CEMIP: variants seen among roughly 807,000 people sequenced by gnomAD.
CEMIP encodes the protein cell migration-inducing and hyaluronan-binding protein.
CEMIP carries 105 observed loss-of-function variants against 156.9 expected under a neutral mutation model. The observed-to-expected ratio is 0.67, with a 90% CI of 0.57 to 0.79. CEMIP has a LOEUF of 0.79. Ranked by LOEUF, CEMIP falls within the 30% of genes least tolerant of loss-of-function variation. CEMIP has a pLI of 0.00. For synonymous variants in CEMIP, 676 were observed against 668.4 expected (o/e 1.01, Z -0.17); for missense variants, 1,457 against 1,769.4 (o/e 0.82, Z 3.17).
chr15:80,883,039 T>C (rs925340071), intron 6 of CEMIP, among the ~76,000 whole-genome samples: 2 of 152,114 alleles, frequency 1.3e-5, no homozygotes, highest in Non-Finnish European at 1.5e-5. Context: ...GTGCCAACAG[T>C]TGGAAACAAG....
At chr15:80,927,374 G>T (rs1435105772) in intron 19 of CEMIP, among the ~76,000 whole-genome samples, 1 of 152,196 alleles carries the variant, frequency 6.6e-6, no homozygotes, top group Non-Finnish European at 1.5e-5. Flanking sequence ...CATCCCTAGA[G>T]CAGACCCTAG....
At chr15:80,920,059 T>A in intron 14 of CEMIP, 35 bp from the exon 15 acceptor site, 1 of 1,600,638 alleles carries the variant, frequency 6.2e-7, no homozygotes, top group Non-Finnish European at 8.6e-7. Flanking sequence ...AATAACTGGA[T>A]GCTTGGTGAA....
intron 9 of CEMIP, 97 bp from the exon 10 acceptor site, chr15:80,889,374 G>A: frequency 6.5e-7 from 1 of 1,548,634 alleles, no homozygotes. Flanking sequence ...ATAATATTCA[G>A]TTCCCATGGT....
chr15:80,847,886 G>C lies in CEMIP; in HGVS notation c.-175-25652G>C, dbSNP rs1186485238. The stretch of plus-strand genomic sequence containing the variant: ...CCAGGAGCAGAAGGTGAAACAGTGA[G>C]CCGTGGAGATGCTCGACTCTTCCTG... On this transcript the variant is annotated intron_variant, in intron 1 of 29. Transcript: ENST00000394685. 2.0e-5 allele frequency among the ~76,000 whole-genome samples: 3 copies of C among 152,338 alleles called. No individual in the cohort carries two copies. The East Asian group carries it at 5.8e-4, about 29-fold the overall frequency.
chr15:80,900,644 G>A (rs866310152), intron 12 of CEMIP, among the ~76,000 whole-genome samples: 1 of 124,580 alleles, frequency 8.0e-6, no homozygotes, highest in African/African-American at 3.0e-5. Context: ...GTGTGTGTGT[G>A]TGTGTCTGTG....
chr15:80,916,431 T>G (rs1900277489), intron 14 of CEMIP, among the ~76,000 whole-genome samples: 1 of 152,178 alleles, frequency 6.6e-6, no homozygotes, highest in Admixed American at 6.5e-5. Context: ...AAGGAAGATA[T>G]CCAGAAGGAC....
intron 1 of CEMIP, among the ~76,000 whole-genome samples, chr15:80,831,451 C>T (rs1408922626): frequency 6.6e-6 from 1 of 152,076 alleles, no homozygotes; most frequent in Non-Finnish European, 1.5e-5. Context: ...ACAGTGGGCA[C>T]AGGAGTGCAG....
chr15:80,796,906 CT>C (rs1217943669), intron 1 of CEMIP, among the ~76,000 whole-genome samples: 1 of 152,168 alleles, frequency 6.6e-6, no homozygotes, highest in African/African-American at 2.4e-5. Context: ...TGACTTGAAC[CT>C]TACAAAGTAT....
In CEMIP at chr15:80,944,947, A is replaced by C. The variant is rs192540885; in HGVS notation, c.3857+1845A>C. Among the ~76,000 whole-genome samples, 1,049 of 152,304 alleles carry C rather than the reference A, an allele frequency of 6.9e-3. 15 individuals carry two copies. The highest frequency in any genetic ancestry group is 0.024 in the African/African-American group (1,004 of 41,558). On this transcript the variant is annotated intron_variant, in intron 28 of 29. Transcript: ENST00000394685. ...CTCCCTGGGCTGGCGCTGGGCACCC[A>C]GGCAGGCATTGGTACCACTAGACCC...
At position 80,852,156 on chromosome 15, in the gene CEMIP, C is replaced by G. The variant is rs142692876; in HGVS notation, c.-175-21382C>G. Reference sequence around the variant, plus strand: ...TGGAACTGTTTGTTCCTTGGAACAGCAGAGTAGTGAGAAAATGCAGTGGCT... The same window carrying G: ...TGGAACTGTTTGTTCCTTGGAACAGGAGAGTAGTGAGAAAATGCAGTGGCT... On this transcript the variant is annotated intron_variant, in intron 1 of 29. Transcript: ENST00000394685. Among the ~76,000 whole-genome samples the G allele has an allele frequency of 1.4e-3, 220 of 152,246 alleles. 2 individuals carry two copies. Among genetic ancestry groups the G allele is most frequent in the Middle Eastern group, 0.014 (4 of 294 alleles).
chr15:80,873,501 G>A (rs62035088), intron 1 of CEMIP, 37 bp from the exon 2 acceptor site: 42,024 of 296,552 alleles, frequency 0.14, 3,513 homozygotes, highest in Admixed American at 0.21. Context: ...CATGTTCAGT[G>A]GGAGTATTTT....
chr15:80,817,848 T>A (rs1393479535), intron 1 of CEMIP, among the ~76,000 whole-genome samples: 2 of 152,108 alleles, frequency 1.3e-5, no homozygotes, highest in East Asian at 3.9e-4. Flanking sequence ...ATGACTTGCT[T>A]AAATGCACCA....
At chr15:80,876,326 T>C (rs999706906) in intron 3 of CEMIP, among the ~76,000 whole-genome samples, 1 of 152,112 alleles carries the variant, frequency 6.6e-6, no homozygotes, top group African/African-American at 2.4e-5. Flanking sequence ...CTCATGACCA[T>C]CCTTGGCTGC....
intron 27 of CEMIP, 89 bp from the exon 28 acceptor site, chr15:80,942,856 C>A: frequency 1.3e-6 from 2 of 1,487,488 alleles, no homozygotes; most frequent in Non-Finnish European, 1.9e-6. Context: ...GCAACTTCTG[C>A]CTTCAGGGTC....
intron 1 of CEMIP, among the ~76,000 whole-genome samples, chr15:80,826,199 G>A (rs148184844): frequency 4.9e-4 from 74 of 152,234 alleles, no homozygotes; most frequent in African/African-American, 1.7e-3. Flanking sequence ...TATTTTCTCC[G>A]GATGCTACAA....
intron 14 of CEMIP, 33 bp from the exon 15 acceptor site, chr15:80,920,061 C>T (rs1900414646): frequency 6.2e-7 from 1 of 1,604,210 alleles, no homozygotes; most frequent in South Asian, 1.1e-5. Flanking sequence ...TAACTGGATG[C>T]TTGGTGAAAC....
intron 1 of CEMIP, among the ~76,000 whole-genome samples, chr15:80,823,116 G>A (rs1896947896): frequency 6.6e-6 from 1 of 152,214 alleles, no homozygotes; most frequent in Admixed American, 6.5e-5. Context: ...AGATTTAAAT[G>A]GGAGAGAACA....
chr15:80,876,454 G>T (rs934023944), intron 3 of CEMIP, among the ~76,000 whole-genome samples: 2 of 152,254 alleles, frequency 1.3e-5, no homozygotes, highest in African/African-American at 2.4e-5. Context: ...TGTTGCCACT[G>T]CTTGAGCCCC....
At chr15:80,848,263 T>TCC (rs752394858) in intron 1 of CEMIP, among the ~76,000 whole-genome samples, 11 of 152,182 alleles carry the variant, frequency 7.2e-5, no homozygotes, top group African/African-American at 9.7e-5. Flanking sequence ...TCACCTGGCC[T>TCC]CCACCAGCCT....
Sources: gnomAD v4.1 joint callset for allele counts (sites outside exome capture counted in the v4.1 genomes callset) on GRCh38, gnomAD v4.1.1 for gene constraint, MANE v1.5 for transcripts, NCBI Gene and HGNC (gene_info 2026-07-23, HGNC 2026-07-21) for gene names.